MBNL2: variants seen among roughly 807,000 people sequenced by gnomAD.
MBNL2 encodes the protein muscleblind-like protein 2.
MBNL2 carries 17 observed loss-of-function variants against 41.9 expected under a neutral mutation model. The observed-to-expected ratio is 0.41, with a 90% CI of 0.28 to 0.61. The LOEUF is 0.61. MBNL2 is among the 20% of genes least tolerant of loss of function. MBNL2 has a pLI of 0.35. For synonymous variants in MBNL2, 195 were observed against 182.9 expected, an observed-to-expected ratio of 1.07 and a Z score of -0.53; for missense variants, 336 against 505.6, an observed-to-expected ratio of 0.66 and a Z score of 3.22.
chr13:97,359,104 A>G (rs558780986), intron 7 of MBNL2, among the ~76,000 whole-genome samples: 14 of 152,314 alleles, frequency 9.2e-5, no homozygotes, highest in South Asian at 8.3e-4. Flanking sequence ...TACAGCCTTA[A>G]TTAGTGACAT....
rs886332143 is a variant in MBNL2 at position 97,392,052 on chromosome 13, C to CT, written c.*605dup. On this transcript the variant is annotated 3_prime_UTR_variant, in exon 9 of 9. Transcript: ENST00000679496. The stretch of plus-strand genomic sequence containing the variant: ...AAAAAGAAACTTTGCACGGTATGAG[C>CT]TTCATACCCCACCAAACAAAGTCTT... 2 of 152,604 alleles carry CT rather than the reference C, an allele frequency of 1.3e-5. No individual in the cohort carries two copies. Among genetic ancestry groups the CT allele is most frequent in the African/African-American group, 4.8e-5 (2 of 41,438 alleles). The allele number at this position is 152,604 out of a possible 1,614,324, so 9.5% of individuals were successfully genotyped here. A position where few individuals can be genotyped will look rare whatever the true frequency, so the allele number is the denominator to read the frequency against.
At chr13:97,320,665 G>A (rs768599541) in intron 2 of MBNL2, among the ~76,000 whole-genome samples, 8 of 151,972 alleles carry the variant, frequency 5.3e-5, no homozygotes, top group Non-Finnish European at 1.2e-4. Context: ...TATAATCCCA[G>A]CACTTTGGGA....
chr13:97,375,843 G>A (rs778065916), intron 8 of MBNL2, among the ~76,000 whole-genome samples: 3 of 152,186 alleles, frequency 2.0e-5, no homozygotes, highest in Non-Finnish European at 4.4e-5. Flanking sequence ...CTGTGATTGT[G>A]TCAGATCTAA....
chr13:97,215,676 CCTTA>C, the MBNL2 span, among the ~76,000 whole-genome samples: 3 of 151,884 alleles, frequency 2.0e-5, no homozygotes, highest in Non-Finnish European at 4.4e-5. Flanking sequence ...TCATATAACT[CCTTA>C]CTTGTTAAAA....
chr13:97,349,204 G>C (rs1359044565), intron 5 of MBNL2, among the ~76,000 whole-genome samples: 2 of 152,110 alleles, frequency 1.3e-5, no homozygotes. Flanking sequence ...ACACAAGAGG[G>C]TCAATAAAAT....
At chr13:97,259,292 A>G (rs1399299202) in intron 1 of MBNL2, among the ~76,000 whole-genome samples, 1 of 152,146 alleles carries the variant, frequency 6.6e-6, no homozygotes, top group Non-Finnish European at 1.5e-5. Flanking sequence ...AGAAGAGAAC[A>G]TGTAAAGAAG....
Position 97,334,855 on chromosome 13 carries a change from G to A in MBNL2, c.339+415G>A, listed in dbSNP as rs1450223731. On this transcript the variant is annotated intron_variant, in intron 3 of 8. Transcript: ENST00000679496. This position sits in a 1 kb window ranked among gnomAD's most constrained non-coding sequence, Gnocchi z 5.3. ...AAAGGATGAGGAAATTGAGAAACCAGAGAAGTTCAATGATTTTCCGCAATG... is the reference window on the plus strand; with the variant it reads ...AAAGGATGAGGAAATTGAGAAACCAAAGAAGTTCAATGATTTTCCGCAATG... Among the ~76,000 whole-genome samples the A allele has an allele frequency of 6.6e-6, 1 of 152,224 alleles. No individual in the cohort carries two copies. Among genetic ancestry groups the A allele is most frequent in the African/African-American group, 2.4e-5 (1 of 41,468 alleles).
intron 1 of MBNL2, among the ~76,000 whole-genome samples, chr13:97,272,622 A>G (rs539004134): frequency 2.0e-5 from 3 of 152,242 alleles, no homozygotes; most frequent in South Asian, 2.1e-4. Flanking sequence ...ATTTTTGTAT[A>G]AGGTGTAAGG....
chr13:97,273,036 C>A (rs916184553), intron 1 of MBNL2, among the ~76,000 whole-genome samples: 2 of 152,198 alleles, frequency 1.3e-5, no homozygotes, highest in African/African-American at 4.8e-5. Context: ...AAGCATAGCT[C>A]CTGGAGAACT....
intron 2 of MBNL2, among the ~76,000 whole-genome samples, chr13:97,324,217 G>A (rs915870810): frequency 6.6e-6 from 1 of 152,050 alleles, no homozygotes; most frequent in Non-Finnish European, 1.5e-5. Flanking sequence ...CATTCACACC[G>A]CCTATCATGG....
chr13:97,317,105 G>A (rs2059124222), intron 2 of MBNL2, among the ~76,000 whole-genome samples: 1 of 152,190 alleles, frequency 6.6e-6, no homozygotes, highest in African/African-American at 2.4e-5. Context: ...GGGGATGCAG[G>A]AGACAGGGTG....
chr13:97,282,422 A>T (rs1284639440), intron 2 of MBNL2, among the ~76,000 whole-genome samples: 1 of 152,214 alleles, frequency 6.6e-6, no homozygotes, highest in Non-Finnish European at 1.5e-5. Flanking sequence ...CTGTTTAGAT[A>T]GCAGAAATTT....
intron 1 of MBNL2, among the ~76,000 whole-genome samples, chr13:97,255,549 T>C (rs951260259): frequency 2.0e-5 from 3 of 152,202 alleles, no homozygotes; most frequent in Non-Finnish European, 2.9e-5. Context: ...AGCATGTGAC[T>C]GTGCAGGAAC....
intron 2 of MBNL2, among the ~76,000 whole-genome samples, chr13:97,314,773 CA>C (rs940286962): frequency 6.6e-6 from 1 of 152,116 alleles, no homozygotes; most frequent in Admixed American, 6.5e-5. Flanking sequence ...GTTGGATAAA[CA>C]GAGTTTGAGT....
intron 2 of MBNL2, among the ~76,000 whole-genome samples, chr13:97,283,949 G>T (rs1028279509): frequency 7.2e-5 from 11 of 152,158 alleles, no homozygotes; most frequent in Non-Finnish European, 1.0e-4. Context: ...TCTCACTTAG[G>T]GATGGCACAT....
intron 8 of MBNL2, among the ~76,000 whole-genome samples, chr13:97,388,314 C>CAT (rs34389348): frequency 0.6 from 83,026 of 139,502 alleles, 25,918 homozygotes; most frequent in Middle Eastern, 0.76. Flanking sequence ...TACATACATA[C>CAT]ATATATATAT....
At chr13:97,242,849 A>G (rs748891330) in intron 1 of MBNL2, among the ~76,000 whole-genome samples, 10 of 151,904 alleles carry the variant, frequency 6.6e-5, no homozygotes, top group South Asian at 2.1e-4. Context: ...GGATGCTACT[A>G]TAACTGGCAT....
chr13:97,266,778 T>A (rs2049907744), intron 1 of MBNL2, among the ~76,000 whole-genome samples: 1 of 152,042 alleles, frequency 6.6e-6, no homozygotes, highest in South Asian at 2.1e-4. Flanking sequence ...ATTCCGAAAA[T>A]TAGAAATAGG....
At chr13:97,153,478 G>C in the MBNL2 span, among the ~76,000 whole-genome samples, 3 of 152,232 alleles carry the variant, frequency 2.0e-5, no homozygotes, top group South Asian at 4.2e-4. Context: ...AGTTAAGGTA[G>C]CTGGCAACAG....
Sources: allele counts gnomAD v4.1 joint callset (sites outside exome capture counted in the v4.1 genomes callset), GRCh38; gene constraint gnomAD v4.1.1; non-coding constraint Gnocchi (gnomAD v3.1); transcripts MANE v1.5; gene names NCBI Gene and HGNC (gene_info 2026-07-23, HGNC 2026-07-21).